Variants in GPC5 observed in about 807,000 individuals in gnomAD.
The protein encoded by GPC5 is glypican 5, also known as glypican-5.
GPC5 carries 47 observed loss-of-function variants against 53.9 expected under a neutral mutation model. The ratio of observed to expected loss-of-function variants is 0.87; its 90% CI spans 0.69 to 1.11. The LOEUF (loss-of-function observed/expected upper bound fraction) is 1.11, where lower values mean the gene tolerates loss of function less well. Ranked by LOEUF, GPC5 falls within the 50% of genes most tolerant of loss-of-function variation. The probability of loss-of-function intolerance (pLI) is 0.00; values close to 1 mark genes in which losing one functional copy is unlikely to be tolerated. For synonymous variants in GPC5, 286 were observed against 263.3 expected (o/e 1.09, Z -0.84); for missense variants, 748 against 713.1 (o/e 1.05, Z -0.56).
intron 7 of GPC5, among the ~76,000 whole-genome samples, chr13:92,146,251 G>A (rs971041586): frequency 3.3e-5 from 5 of 151,938 alleles, no homozygotes; most frequent in African/African-American, 9.7e-5. Context: ...TATCAGATTG[G>A]TTTCTCCTTT....
At chr13:92,594,475 C>G (rs532777095) in intron 7 of GPC5, among the ~76,000 whole-genome samples, 1 of 152,252 alleles carries the variant, frequency 6.6e-6, no homozygotes, top group African/African-American at 2.4e-5. Context: ...TCAGCTTTAC[C>G]TACATAAAGA....
intron 6 of GPC5, among the ~76,000 whole-genome samples, chr13:92,071,758 T>C (rs2041212946): frequency 6.6e-6 from 1 of 151,032 alleles, no homozygotes; most frequent in Non-Finnish European, 1.5e-5. Context: ...TAAATTTATA[T>C]GTTTTTTCAA....
At chr13:92,537,893 A>AT (rs1184206090) in intron 7 of GPC5, among the ~76,000 whole-genome samples, 1 of 151,992 alleles carries the variant, frequency 6.6e-6, no homozygotes, top group African/African-American at 2.4e-5. Flanking sequence ...AGTCTTTTTA[A>AT]TTTTTTTCTT....
rs182511521 is a variant in GPC5, at chr13:92,778,932, T to C, written c.1562-87350T>C. 1.7e-4 allele frequency among the ~76,000 whole-genome samples: 26 copies of C among 152,108 alleles called. No homozygotes were observed. In the East Asian group the frequency reaches 4.1e-3, roughly 24 times the overall value. On this transcript the variant is annotated intron_variant, in intron 7 of 7. Transcript: ENST00000377067. ...TTCCACTAAGTGTTATTCCTCATAA[T>C]GCTTGTTGCTTGTGTATGAATATGT...
At chr13:91,959,803 A>C (rs1305351295) in intron 6 of GPC5, among the ~76,000 whole-genome samples, 1 of 152,076 alleles carries the variant, frequency 6.6e-6, no homozygotes, top group Non-Finnish European at 1.5e-5. Flanking sequence ...ATGGTTCAAC[A>C]CTTGCAAACC....
At chr13:91,874,649 T>C (rs1226249762) in intron 5 of GPC5, among the ~76,000 whole-genome samples, 1 of 152,280 alleles carries the variant, frequency 6.6e-6, no homozygotes, top group African/African-American at 2.4e-5. Context: ...TCTTAAGCCA[T>C]GGAGAATTCT....
At chr13:91,691,031 C>A (rs977734845) in intron 2 of GPC5, among the ~76,000 whole-genome samples, 2 of 152,138 alleles carry the variant, frequency 1.3e-5, no homozygotes, top group East Asian at 3.9e-4. Flanking sequence ...GAAAAATGAC[C>A]TATTTTAAGG....
chr13:91,463,842 C>T (rs1882078974), intron 2 of GPC5, among the ~76,000 whole-genome samples: 1 of 151,960 alleles, frequency 6.6e-6, no homozygotes, highest in African/African-American at 2.4e-5. Flanking sequence ...TCTTAGGGAC[C>T]TAGGTCTAGA....
chr13:92,528,224 C>G (rs1285049815), intron 7 of GPC5, among the ~76,000 whole-genome samples: 1 of 151,924 alleles, frequency 6.6e-6, no homozygotes, highest in Non-Finnish European at 1.5e-5. Context: ...AATCTGCTAC[C>G]CGTTATTTCT....
At chr13:91,496,137 A>T (rs1034510330) in intron 2 of GPC5, among the ~76,000 whole-genome samples, 1 of 146,208 alleles carries the variant, frequency 6.8e-6, no homozygotes, top group African/African-American at 2.6e-5. Flanking sequence ...CGAATTTTAA[A>T]AACAATTGCA....
intron 7 of GPC5, among the ~76,000 whole-genome samples, chr13:92,190,140 C>A (rs1347558333): frequency 2.6e-5 from 4 of 152,060 alleles, no homozygotes; most frequent in Admixed American, 2.6e-4. Context: ...CTGACTTCTC[C>A]TCAGAAACCA....
At position 92,863,968 on chromosome 13, in the gene GPC5, CTTTG is replaced by C. The variant is rs550231491; in HGVS notation, c.1562-2310_1562-2307del. ...TGCATATAAGAGTATTCAAAAATTA[CTTTG>C]TTTTTCTTTAATGTATTAATACAAT... On this transcript the variant is annotated intron_variant, in intron 7 of 7. Transcript: ENST00000377067. Among the ~76,000 whole-genome samples the C allele has an allele frequency of 1.8e-4, 28 of 152,272 alleles. No homozygotes were observed. The East Asian group carries it at 4.2e-3, about 23-fold the overall frequency.
At chr13:92,065,116 G>C (rs565976836) in intron 6 of GPC5, among the ~76,000 whole-genome samples, 1 of 152,264 alleles carries the variant, frequency 6.6e-6, no homozygotes, top group South Asian at 2.1e-4. Context: ...AGTTAAATTC[G>C]ATCAAATTCT....
chr13:92,445,056 T>C (rs1285706417), intron 7 of GPC5, among the ~76,000 whole-genome samples: 1 of 152,134 alleles, frequency 6.6e-6, no homozygotes, highest in African/African-American at 2.4e-5. Flanking sequence ...AGTTCTTAGG[T>C]TGTCTAATAA....
intron 7 of GPC5, among the ~76,000 whole-genome samples, chr13:92,756,317 G>A (rs1287819168): frequency 6.6e-6 from 1 of 151,596 alleles, no homozygotes; most frequent in East Asian, 2.0e-4. Flanking sequence ...ATTAGGTATT[G>A]ATGGGACATA....
At chr13:92,301,177 A>G (rs1217953114) in intron 7 of GPC5, among the ~76,000 whole-genome samples, 1 of 152,232 alleles carries the variant, frequency 6.6e-6, no homozygotes, top group African/African-American at 2.4e-5. Context: ...AGGTTCTTTT[A>G]TAGATATCAA....
intron 7 of GPC5, among the ~76,000 whole-genome samples, chr13:92,753,844 C>A (rs1448281156): frequency 6.6e-6 from 1 of 152,150 alleles, no homozygotes; most frequent in Non-Finnish European, 1.5e-5. Context: ...AAGACCAAAT[C>A]TACGTCTGAT....
chr13:91,482,810 C>G (rs765713203), intron 2 of GPC5, among the ~76,000 whole-genome samples: 1 of 151,250 alleles, frequency 6.6e-6, no homozygotes, highest in Non-Finnish European at 1.5e-5. Flanking sequence ...AAACACTGCT[C>G]TTCTTTAGGT....
chr13:91,530,446 C>T (rs1886293016), intron 2 of GPC5, among the ~76,000 whole-genome samples: 2 of 152,334 alleles, frequency 1.3e-5, no homozygotes, highest in South Asian at 4.1e-4. Context: ...TATAAGACCT[C>T]TGACACCAGT....
Sources: gnomAD v4.1 joint callset for allele counts (sites outside exome capture counted in the v4.1 genomes callset) on GRCh38, gnomAD v4.1.1 for gene constraint, MANE v1.5 for transcripts, NCBI Gene and HGNC (gene_info 2026-07-23, HGNC 2026-07-21) for gene names.